Variants in SLC35F3 observed in about 807,000 individuals in gnomAD.
SLC35F3 encodes the protein putative thiamine transporter SLC35F3.
SLC35F3 carries 25 observed loss-of-function variants against 49.9 expected under a neutral mutation model. The ratio of observed to expected loss-of-function variants is 0.50; its 90% CI spans 0.37 to 0.70. The LOEUF is 0.70. SLC35F3 is among the 30% of genes least tolerant of loss of function. SLC35F3 has a pLI of 0.00. For missense variants in SLC35F3, 525 were observed against 639.8 expected (o/e 0.82, Z 1.94); for synonymous variants, 275 against 265.4 (o/e 1.04, Z -0.35).
intron 2 of SLC35F3, among the ~76,000 whole-genome samples, chr1:233,925,706 TG>T (rs1359289213): frequency 6.6e-6 from 1 of 152,248 alleles, no homozygotes; most frequent in African/African-American, 2.4e-5. Context: ...GCTCATTAGT[TG>T]ATGCAGTTTC....
At chr1:233,946,652 A>G (rs772013746) in intron 2 of SLC35F3, among the ~76,000 whole-genome samples, 1 of 152,172 alleles carries the variant, frequency 6.6e-6, no homozygotes, top group Non-Finnish European at 1.5e-5. Context: ...TGGTCAGTGG[A>G]TGTTGAGAAT....
chr1:234,026,134 T>C (rs1339235068), intron 2 of SLC35F3, among the ~76,000 whole-genome samples: 1 of 152,180 alleles, frequency 6.6e-6, no homozygotes, highest in East Asian at 1.9e-4. Flanking sequence ...TTCTGGGCTC[T>C]CTATTCTGCA....
intron 2 of SLC35F3, among the ~76,000 whole-genome samples, chr1:234,170,687 G>A (rs1666388331): frequency 6.6e-6 from 1 of 152,180 alleles, no homozygotes; most frequent in Non-Finnish European, 1.5e-5. Flanking sequence ...ACTGCCTGAG[G>A]CCAGAGCTGA....
intron 2 of SLC35F3, among the ~76,000 whole-genome samples, chr1:234,148,582 A>AT (rs1666029123): frequency 6.6e-6 from 1 of 152,180 alleles, no homozygotes; most frequent in Admixed American, 6.5e-5. Flanking sequence ...ATGGGAGGGA[A>AT]TTTTTACAAC....
intron 3 of SLC35F3, among the ~76,000 whole-genome samples, chr1:234,297,344 G>A (rs1189912505): frequency 2.0e-5 from 3 of 152,202 alleles, no homozygotes; most frequent in Non-Finnish European, 1.5e-5. Flanking sequence ...AAGAGGTAAT[G>A]TCTGCATTCC....
At chr1:234,154,224 C>T (rs1235286367) in intron 2 of SLC35F3, among the ~76,000 whole-genome samples, 6 of 152,174 alleles carry the variant, frequency 3.9e-5, no homozygotes, top group South Asian at 2.1e-4. Context: ...GCACTCCAGC[C>T]GGAGCGATAG....
chr1:234,061,911 A>G (rs1400330860), intron 2 of SLC35F3, among the ~76,000 whole-genome samples: 5 of 152,128 alleles, frequency 3.3e-5, no homozygotes, highest in African/African-American at 1.2e-4. Flanking sequence ...TTTTGAAAAT[A>G]TTTATAACAG....
intron 2 of SLC35F3, among the ~76,000 whole-genome samples, chr1:233,928,766 A>T (rs1662198408): frequency 6.6e-6 from 1 of 152,130 alleles, no homozygotes; most frequent in African/African-American, 2.4e-5. Context: ...AGCTTCTCTG[A>T]TATATTTGAA....
intron 2 of SLC35F3, among the ~76,000 whole-genome samples, chr1:233,992,663 A>G (rs1174649557): frequency 1.3e-5 from 2 of 152,198 alleles, no homozygotes; most frequent in African/African-American, 4.8e-5. Context: ...CACACTGGGG[A>G]TCAAATTTCA....
intron 2 of SLC35F3, among the ~76,000 whole-genome samples, chr1:233,948,166 C>T (rs1662544137): frequency 6.7e-6 from 1 of 149,674 alleles, no homozygotes; most frequent in South Asian, 2.1e-4. Flanking sequence ...TGTGTCCATA[C>T]TCCCTGGAAC....
chr1:234,313,716 G>T (rs1005904822), intron 4 of SLC35F3, among the ~76,000 whole-genome samples: 1 of 152,162 alleles, frequency 6.6e-6, no homozygotes. Flanking sequence ...CCCCAGTAGG[G>T]AGAAGATGTA....
At chr1:234,215,385 G>C (rs777444536) in intron 2 of SLC35F3, among the ~76,000 whole-genome samples, 3 of 152,174 alleles carry the variant, frequency 2.0e-5, no homozygotes, top group Non-Finnish European at 2.9e-5. Flanking sequence ...AATGGAGAAG[G>C]GGGGCAGAGG....
At chr1:233,937,105 C>T (rs989143193) in intron 2 of SLC35F3, among the ~76,000 whole-genome samples, 3 of 152,142 alleles carry the variant, frequency 2.0e-5, no homozygotes, top group Non-Finnish European at 4.4e-5. Context: ...GTTCACAACA[C>T]TTGGCACCAG....
intron 3 of SLC35F3, among the ~76,000 whole-genome samples, chr1:234,234,029 T>A (rs1313615017): frequency 6.6e-6 from 1 of 152,226 alleles, no homozygotes; most frequent in Non-Finnish European, 1.5e-5. Context: ...TCACAGACCT[T>A]CCTTAGGACA....
intron 3 of SLC35F3, among the ~76,000 whole-genome samples, chr1:234,243,830 C>T (rs1198598596): frequency 6.6e-6 from 1 of 152,204 alleles, no homozygotes. Context: ...CCAGCCTCCC[C>T]TGGCATCTAA....
At chr1:234,291,916 C>G (rs1246178084) in intron 3 of SLC35F3, among the ~76,000 whole-genome samples, 2 of 152,126 alleles carry the variant, frequency 1.3e-5, no homozygotes, top group African/African-American at 2.4e-5. Flanking sequence ...AAAAGAAGCA[C>G]CAGACTGAGA....
chr1:233,921,515 G>A (rs1405232173), intron 2 of SLC35F3, among the ~76,000 whole-genome samples: 1 of 152,114 alleles, frequency 6.6e-6, no homozygotes, highest in Admixed American at 6.6e-5. Flanking sequence ...TAGTTTCACT[G>A]CCCTAAAAAA....
intron 2 of SLC35F3, among the ~76,000 whole-genome samples, chr1:234,198,316 G>A (rs999355614): frequency 6.6e-6 from 1 of 152,144 alleles, no homozygotes; most frequent in Non-Finnish European, 1.5e-5. Context: ...TGATGTTTTG[G>A]GGAGGATTTC....
rs572535152 is a variant in SLC35F3 at position 234,039,850 on chromosome 1, G to A, written c.283+134092G>A. ...AGGTGGGGGTGCCTGCAACCCCAAG[G>A]CCCCAGAAGGCACCGTTACAATGCT... is the stretch of plus-strand genomic sequence containing the variant. On this transcript the variant is annotated intron_variant, in intron 2 of 7. Transcript: ENST00000366618. Among the ~76,000 whole-genome samples, 3 of 152,278 alleles carry A rather than the reference G, an allele frequency of 2.0e-5. No homozygotes were observed. In the South Asian group the frequency reaches 6.2e-4, roughly 32 times the overall value.
Sources: gnomAD v4.1 joint callset for allele counts (sites outside exome capture counted in the v4.1 genomes callset) on GRCh38, gnomAD v4.1.1 for gene constraint, MANE v1.5 for transcripts, NCBI Gene and HGNC (gene_info 2026-07-23, HGNC 2026-07-21) for gene names.